The following EYA4 variants were observed in gnomAD, a reference collection of about 807,000 sequenced individuals.
EYA4 encodes the protein protein phosphatase EYA4.
In EYA4, 31 loss-of-function variants were observed where a neutral mutation model predicts 87.9. The observed-to-expected ratio is 0.35, with a 90% CI of 0.27 to 0.48. EYA4 has a LOEUF of 0.48. Ranked by LOEUF, EYA4 falls within the 20% of genes least tolerant of loss-of-function variation. The pLI, the probability that EYA4 is intolerant of heterozygous loss-of-function variation, is 0.99. For missense variants in EYA4, 678 were observed against 761.4 expected, an observed-to-expected ratio of 0.89 and a Z score of 1.29; for synonymous variants, 263 against 270.6, an observed-to-expected ratio of 0.97 and a Z score of 0.28.
chr6:133,455,441 A>T (rs534856850), intron 5 of EYA4, among the ~76,000 whole-genome samples: 1 of 152,142 alleles, frequency 6.6e-6, no homozygotes, highest in East Asian at 1.9e-4. Context: ...TACTAAATTA[A>T]CCCAGAGCTC....
At chr6:133,387,986 T>A (rs984125588) in intron 3 of EYA4, among the ~76,000 whole-genome samples, 1 of 152,206 alleles carries the variant, frequency 6.6e-6, no homozygotes, top group African/African-American at 2.4e-5. Context: ...TCTGTTTTGC[T>A]GTTAATTGTG....
chr6:133,488,303 C>CT (rs1294399347), intron 13 of EYA4, among the ~76,000 whole-genome samples: 1 of 152,130 alleles, frequency 6.6e-6, no homozygotes, highest in African/African-American at 2.4e-5. Flanking sequence ...GAGCCAGGCT[C>CT]TGTAGACCCA....
chr6:133,367,249 C>T (rs1001307084), intron 2 of EYA4, among the ~76,000 whole-genome samples: 28 of 152,094 alleles, frequency 1.8e-4, no homozygotes, highest in African/African-American at 6.5e-4. Flanking sequence ...TTGCTGCCTA[C>T]TTATGTGTAC....
chr6:133,435,802 T>A (rs1474113915), intron 3 of EYA4, among the ~76,000 whole-genome samples: 1 of 152,148 alleles, frequency 6.6e-6, no homozygotes, highest in Non-Finnish European at 1.5e-5. Flanking sequence ...ACAGTATATT[T>A]TTCCTCTTTG....
At chr6:133,383,940 A>G (rs1786479159) in intron 3 of EYA4, among the ~76,000 whole-genome samples, 1 of 152,214 alleles carries the variant, frequency 6.6e-6, no homozygotes, top group African/African-American at 2.4e-5. Flanking sequence ...GCAGACCTAT[A>G]TAAGTGACCT....
chr6:133,500,342 G>A (rs1583471346), intron 13 of EYA4, among the ~76,000 whole-genome samples: 1 of 152,130 alleles, frequency 6.6e-6, no homozygotes, highest in East Asian at 1.9e-4. Context: ...TCCCAGCTTG[G>A]AGTCCTCCTT....
chr6:133,491,604 A>T (rs1263564638), intron 13 of EYA4, among the ~76,000 whole-genome samples: 1 of 152,132 alleles, frequency 6.6e-6, no homozygotes, highest in Admixed American at 6.5e-5. Flanking sequence ...AATCATGAAG[A>T]AGTCCAAAAC....
chr6:133,411,820 A>T (rs1789266607), intron 3 of EYA4, among the ~76,000 whole-genome samples: 1 of 152,234 alleles, frequency 6.6e-6, no homozygotes, highest in Non-Finnish European at 1.5e-5. Flanking sequence ...ATCTTCTCAT[A>T]TTCCTGATTT....
intron 2 of EYA4, among the ~76,000 whole-genome samples, chr6:133,324,424 G>A (rs937011333): frequency 6.6e-6 from 1 of 152,060 alleles, no homozygotes; most frequent in East Asian, 1.9e-4. Context: ...GGTTACTTTT[G>A]GCCAGGAGGC....
intron 2 of EYA4, among the ~76,000 whole-genome samples, chr6:133,309,421 C>CATT (rs1456993944): frequency 6.6e-6 from 1 of 152,050 alleles, no homozygotes; most frequent in Non-Finnish European, 1.5e-5. Context: ...ACTTATTAGG[C>CATT]AGTTATGGCT....
At chr6:133,244,987 A>T (rs185929800) in intron 1 of EYA4, 1 of 152,188 alleles carries the variant, frequency 6.6e-6, no homozygotes, top group African/African-American at 2.4e-5. Flanking sequence ...CAGTTTTTAT[A>T]CAGATTTCAA....
chr6:133,393,209 G>A (rs1013733564), intron 3 of EYA4, among the ~76,000 whole-genome samples: 10 of 152,208 alleles, frequency 6.6e-5, no homozygotes, highest in African/African-American at 2.2e-4. Flanking sequence ...TCCACTTCAT[G>A]CTTGGCCAAC....
chr6:133,318,684 G>A (rs1453951990), intron 2 of EYA4, among the ~76,000 whole-genome samples: 1 of 150,436 alleles, frequency 6.6e-6, no homozygotes, highest in Non-Finnish European at 1.5e-5. Context: ...AGCTTTGACT[G>A]CCCTTTTAAA....
chr6:133,460,240 G>A (rs541654353), intron 6 of EYA4, among the ~76,000 whole-genome samples: 1 of 152,216 alleles, frequency 6.6e-6, no homozygotes, highest in South Asian at 2.1e-4. Context: ...AACAGCAGAT[G>A]GCCTAATAAA....
chr6:133,354,083 A>C (rs76980268), intron 2 of EYA4, among the ~76,000 whole-genome samples: 6,991 of 152,246 alleles, frequency 0.046, 500 homozygotes, highest in African/African-American at 0.15. Context: ...GCTTATTCTA[A>C]GTAAACCATG....
In EYA4 at chr6:133,525,637, TG is replaced by T. The variant is rs548102434; in HGVS notation, c.1839+390del. Among the ~76,000 whole-genome samples, 4 of 151,808 alleles carry T rather than the reference TG, an allele frequency of 2.6e-5. No homozygotes were observed. The East Asian group carries it at 7.7e-4, about 29-fold the overall frequency. ...GAGCCAGGGGATCTGCAAGAAAGAT[TG>T]GGGGGGAGAATAACCATTGTTAAGC... On this transcript the variant is annotated intron_variant, in intron 19 of 19. Transcript: ENST00000355286.
intron 3 of EYA4, among the ~76,000 whole-genome samples, chr6:133,426,146 C>T (rs948226740): frequency 7.0e-6 from 1 of 142,672 alleles, no homozygotes; most frequent in African/African-American, 3.0e-5. Context: ...GTTAACCACT[C>T]CTCATCTATG....
chr6:133,271,567 A>G (rs888093122), intron 1 of EYA4, among the ~76,000 whole-genome samples: 1 of 152,120 alleles, frequency 6.6e-6, no homozygotes, highest in Non-Finnish European at 1.5e-5. Flanking sequence ...GGTCCAATAT[A>G]ATCAACCTGC....
intron 2 of EYA4, among the ~76,000 whole-genome samples, chr6:133,303,553 G>A (rs370833795): frequency 3.3e-5 from 5 of 151,910 alleles, no homozygotes; most frequent in Admixed American, 1.3e-4. Context: ...TCTTTCCTTC[G>A]TTTCTGCCTT....
Sources: gnomAD v4.1 joint callset for allele counts (sites outside exome capture counted in the v4.1 genomes callset) on GRCh38, gnomAD v4.1.1 for gene constraint, MANE v1.5 for transcripts, NCBI Gene and HGNC (gene_info 2026-07-23, HGNC 2026-07-21) for gene names.